SORD: variants seen among roughly 807,000 people sequenced by gnomAD.
The protein encoded by SORD is sorbitol dehydrogenase, also known as (R,R)-butanediol dehydrogenase.
SORD carries 18 observed loss-of-function variants against 35.6 expected under a neutral mutation model. The observed-to-expected ratio is 0.51, with a 90% CI of 0.35 to 0.75. The LOEUF (loss-of-function observed/expected upper bound fraction) is 0.75. SORD is among the 30% of genes least tolerant of loss of function. The probability of loss-of-function intolerance (pLI) is 0.01; values close to 1 mark genes in which losing one functional copy is unlikely to be tolerated. For missense variants in SORD, 250 were observed against 390.2 expected (o/e 0.64, Z 3.03); for synonymous variants, 106 against 152.9 (o/e 0.69, Z 2.26).
intron 2 of SORD, among the ~76,000 whole-genome samples, chr15:45,042,936 C>T (rs2141270674): frequency 6.6e-6 from 1 of 151,912 alleles, no homozygotes; most frequent in East Asian, 1.9e-4. Context: ...ATGAGGCTCA[C>T]CCACATTATG....
At chr15:45,042,523 T>TAAAGAAAGAAAGAAAG (rs1397626267) in intron 2 of SORD, 1 of 145,194 alleles carries the variant, frequency 6.9e-6, no homozygotes, top group African/African-American at 2.6e-5. Flanking sequence ...AATAAATAAA[T>TAAAGAAAGAAAGAAAG]AAATAAAGGA....
At chr15:45,035,156 C>T (rs1892842591) in intron 1 of SORD, among the ~76,000 whole-genome samples, 1 of 152,182 alleles carries the variant, frequency 6.6e-6, no homozygotes, top group Non-Finnish European at 1.5e-5. Context: ...GCCTCCCCGA[C>T]GAGTGCCGCC....
chr15:45,056,396 A>G (rs988739300), intron 3 of SORD, among the ~76,000 whole-genome samples: 1 of 152,194 alleles, frequency 6.6e-6, no homozygotes, highest in Non-Finnish European at 1.5e-5. Flanking sequence ...ATTGCTTCAA[A>G]GAGAATAAAA....
intron 1 of SORD, among the ~76,000 whole-genome samples, chr15:45,037,719 CAT>C (rs1892892535): frequency 6.6e-6 from 1 of 151,910 alleles, no homozygotes; most frequent in East Asian, 1.9e-4. Flanking sequence ...CCAAATACCA[CAT>C]GTTCTCACTC....
In SORD at chr15:45,068,328, T is replaced by C. The variant is rs1720709; in HGVS notation, c.610+82T>C. ...TGTGCATGTGTGAGGAGAGGTTATC[T>C]GTGACAGTGTGGAGGGGGTGAGTGT... On this transcript the variant is annotated intron_variant, in intron 6 of 8. Transcript: ENST00000267814. 2.7e-3 allele frequency: 2,694 copies of C among 991,742 alleles called. 14 individuals carry two copies. Among genetic ancestry groups the C allele is most frequent in the East Asian group, 9.2e-3 (385 of 41,996 alleles). 61.4% of individuals were successfully genotyped at this position (991,742 alleles called of 1,614,324 possible).
chr15:45,067,770 G>A (rs570154993), intron 5 of SORD, among the ~76,000 whole-genome samples: 7 of 152,280 alleles, frequency 4.6e-5, no homozygotes, highest in African/African-American at 1.7e-4. Flanking sequence ...GTCTCTCTCT[G>A]GGGGAGGTGT....
chr15:45,072,647 G>A (rs1056699172), intron 8 of SORD, among the ~76,000 whole-genome samples: 4 of 147,366 alleles, frequency 2.7e-5, no homozygotes, highest in African/African-American at 8.0e-5. Context: ...TGGATGGAGG[G>A]AGGGAAGGAG....
chr15:45,072,819 G>A lies in SORD; in HGVS notation c.908+381G>A, dbSNP rs561386233. ...GAAGAAATCAAGTCCTGTGGCTTCC[G>A]TTCCTTAGCCCTAGGGCCCACCCTG... On this transcript the variant is annotated intron_variant, in intron 8 of 8. Coordinates refer to ENST00000267814, the MANE Select transcript of SORD (RefSeq NM_003104.6). Among the ~76,000 whole-genome samples the A allele has an allele frequency of 5.0e-4, 71 of 142,350 alleles. 3 individuals are homozygous for A. The highest frequency in any genetic ancestry group is 2.6e-3 in the Admixed American group (39 of 14,988). The allele number at this position is 142,350 out of a possible 152,430, so 93.4% of individuals were successfully genotyped here.
chr15:45,054,862 A>G (rs947520308), intron 3 of SORD, among the ~76,000 whole-genome samples: 5 of 151,178 alleles, frequency 3.3e-5, no homozygotes, highest in African/African-American at 1.2e-4. Context: ...CTTTCTACAT[A>G]TGGCTAGCCA....
At chr15:45,070,284 A>G (rs1893489355) in intron 7 of SORD, 1 of 152,314 alleles carries the variant, frequency 6.6e-6, no homozygotes, top group African/African-American at 2.4e-5. Context: ...AGCCGCCACC[A>G]CAGGGGACTC....
intron 7 of SORD, 147 bp downstream of exon 7, chr15:45,069,199 T>C (rs1045670630): frequency 9.6e-5 from 36 of 373,630 alleles, no homozygotes; most frequent in Non-Finnish European, 1.2e-4. Context: ...TTTTTCTTTT[T>C]TTTTTTTTTT....
At chr15:45,027,509 A>G (rs1259482307) in intron 1 of SORD, among the ~76,000 whole-genome samples, 4 of 152,276 alleles carry the variant, frequency 2.6e-5, no homozygotes, top group Non-Finnish European at 4.4e-5. Flanking sequence ...CTAACTGTGG[A>G]GATAAGCAGG....
At chr15:45,028,978 T>C (rs1375351440) in intron 1 of SORD, among the ~76,000 whole-genome samples, 1 of 152,206 alleles carries the variant, frequency 6.6e-6, no homozygotes, top group African/African-American at 2.4e-5. Flanking sequence ...GTGATCAGAT[T>C]AAAGGGGCTG....
intron 1 of SORD, among the ~76,000 whole-genome samples, chr15:45,029,420 C>A (rs1459601650): frequency 1.3e-5 from 2 of 152,058 alleles, no homozygotes; most frequent in East Asian, 3.9e-4. Context: ...GGAGGGAGCA[C>A]ATGAATGAGT....
At chr15:45,041,714 T>C (rs1324653186) in intron 2 of SORD, 1 of 152,200 alleles carries the variant, frequency 6.6e-6, no homozygotes, top group Non-Finnish European at 1.5e-5. Context: ...ATTCCAGAAG[T>C]GGCCAAACGA....
At chr15:45,068,043 G>A (rs1159337732) in intron 5 of SORD, 138 bp from the exon 6 acceptor site, 30 of 698,986 alleles carry the variant, frequency 4.3e-5, no homozygotes, top group Non-Finnish European at 4.2e-5. Flanking sequence ...ACAAACAGCC[G>A]CTAAGGTCTT....
intron 3 of SORD, among the ~76,000 whole-genome samples, chr15:45,053,562 C>T (rs1405044034): frequency 6.6e-6 from 1 of 152,166 alleles, no homozygotes. Context: ...TCCATGCTGT[C>T]CCACAAATAG....
At chr15:45,069,964 T>A (rs1244729937) in intron 7 of SORD, 2 of 152,146 alleles carry the variant, frequency 1.3e-5, no homozygotes, top group East Asian at 3.9e-4. Flanking sequence ...GGAGTGTCAT[T>A]GACAGATCAA....
chr15:45,027,818 T>C (rs1892701166), intron 1 of SORD, among the ~76,000 whole-genome samples: 1 of 152,164 alleles, frequency 6.6e-6, no homozygotes, highest in Non-Finnish European at 1.5e-5. Context: ...GTGGGGGTGG[T>C]GGGAAGCTTG....
Sources: allele counts gnomAD v4.1 joint callset (sites outside exome capture counted in the v4.1 genomes callset), GRCh38; gene constraint gnomAD v4.1.1; transcripts MANE v1.5; gene names NCBI Gene and HGNC (gene_info 2026-07-23, HGNC 2026-07-21).